Variants in XG observed in about 807,000 individuals in gnomAD.
The protein encoded by XG is Xg glycoprotein (Xg blood group), also known as glycoprotein Xg.
A neutral mutation model predicts 25.7 loss-of-function variants in XG; 24 were observed. That is an observed-to-expected ratio of 0.93 (90% CI 0.68 to 1.31). XG has a LOEUF of 1.31. XG is among the 40% of genes most tolerant of loss of function. The pLI is 0.00. For synonymous variants in XG, 77 were observed against 69.2 expected (o/e 1.11, Z -0.56); for missense variants, 181 against 187.6 (o/e 0.96, Z 0.21).
At chrX:2,805,076 T>TGCAAGCCGCCGCCATGG (rs2086982010) in intron 7 of XG, among the ~76,000 whole-genome samples, 1 of 112,168 alleles carries the variant, frequency 8.9e-6, no homozygotes, top group Non-Finnish European at 1.9e-5. Flanking sequence ...CCGGCTGGGA[T>TGCAAGCCGCCGCCATGG]GCAAGCCGCC....
chrX:2,769,196 C>T (rs1326156646), intron 1 of XG, among the ~76,000 whole-genome samples: 1 of 152,228 alleles, frequency 6.6e-6, no homozygotes, highest in African/African-American at 2.4e-5. Context: ...TATGTTGGAG[C>T]CCTTGAACCT....
At chrX:2,805,141 G>A (rs2086982926) in intron 7 of XG, among the ~76,000 whole-genome samples, 1 of 112,571 alleles carries the variant, frequency 8.9e-6, no homozygotes, top group South Asian at 3.7e-4. Flanking sequence ...GGCAGAGCGT[G>A]TTAGGCTTGT....
At chrX:2,809,534 G>A (rs949187762) in intron 9 of XG, among the ~76,000 whole-genome samples, 4 of 112,334 alleles carry the variant, frequency 3.6e-5, no homozygotes, top group Non-Finnish European at 7.5e-5. Context: ...TGATTTGTAA[G>A]AGATGAGAGA....
intron 3 of XG, among the ~76,000 whole-genome samples, chrX:2,776,163 A>C (rs146089952): frequency 0.062 from 9,480 of 151,986 alleles, 928 homozygotes; most frequent in African/African-American, 0.21. Flanking sequence ...AGAGTCCTTT[A>C]TAAGCCAGCG....
chrX:2,770,255 T>G (rs2050787500), intron 1 of XG, among the ~76,000 whole-genome samples: 1 of 151,518 alleles, frequency 6.6e-6, no homozygotes, highest in East Asian at 1.9e-4. Flanking sequence ...ATAAGAAATT[T>G]GCAGAACAGA....
chrX:2,787,774 G>A (rs745736986), intron 4 of XG, among the ~76,000 whole-genome samples: 4 of 110,820 alleles, frequency 3.6e-5, no homozygotes, highest in Admixed American at 9.7e-5. Flanking sequence ...GGGCATGGTG[G>A]TGTATACCTG....
chrX:2,799,968 T>C (rs949294122), intron 7 of XG, among the ~76,000 whole-genome samples: 11 of 112,059 alleles, frequency 9.8e-5, no homozygotes, highest in Non-Finnish European at 1.7e-4. Flanking sequence ...GCAAAGGACA[T>C]GATCTTGTTC....
intron 1 of XG, among the ~76,000 whole-genome samples, chrX:2,758,006 A>T (rs1047425043): frequency 1.3e-5 from 2 of 149,966 alleles, no homozygotes; most frequent in African/African-American, 4.9e-5. Context: ...AGGAAAAAAA[A>T]GTTATGATGA....
intron 1 of XG, among the ~76,000 whole-genome samples, chrX:2,766,801 G>A (rs311140): frequency 0.098 from 14,862 of 151,652 alleles, 745 homozygotes; most frequent in Non-Finnish European, 0.13. Context: ...TCCTGACCTC[G>A]TGATCCGCCT....
rs1215451210 is a variant in XG at position 2,768,970 on chromosome X, C to A, written c.62-1580C>A. Reference sequence around the variant, plus strand: ...ATTTGACCTGTGATGGCACCGCCAGCTCCCAGCCTCCAGTCTGGGCCCAGG... The same window carrying A: ...ATTTGACCTGTGATGGCACCGCCAGATCCCAGCCTCCAGTCTGGGCCCAGG... On this transcript the variant is annotated intron_variant, in intron 1 of 10. Coordinates refer to ENST00000644266, the MANE Select transcript of XG (RefSeq NM_001141919.2). Among the ~76,000 whole-genome samples the A allele has an allele frequency of 2.0e-5, 3 of 152,164 alleles. No individual in the cohort carries two copies. The East Asian group carries it at 5.8e-4, about 29-fold the overall frequency.
At chrX:2,774,860 C>T in intron 3 of XG, 121 bp downstream of exon 3, 1 of 1,299,962 alleles carries the variant, frequency 7.7e-7, no homozygotes, top group Non-Finnish European at 1.1e-6. Context: ...AACAACTGTA[C>T]CAGATAGCAG....
intron 1 of XG, among the ~76,000 whole-genome samples, chrX:2,756,689 C>T (rs190649785): frequency 8.0e-4 from 122 of 152,304 alleles, no homozygotes; most frequent in Admixed American, 1.4e-3. Flanking sequence ...AGATTTGAAA[C>T]CTGAGAGTTC....
intron 1 of XG, among the ~76,000 whole-genome samples, chrX:2,768,827 G>A (rs1486421101): frequency 6.6e-6 from 1 of 152,182 alleles, no homozygotes; most frequent in African/African-American, 2.4e-5. Flanking sequence ...GAGCTGGATG[G>A]AGCAAAGATT....
rs1245864935 is a variant in XG at position 2,766,617 on chromosome X, T to G, written c.62-3933T>G. On this transcript the variant is annotated intron_variant, in intron 1 of 10. Transcript: ENST00000644266. The stretch of plus-strand genomic sequence containing the variant: ...TCTTGCTCTGTCACCCAGGCTGGAG[T>G]GTACTGGTGTGAACTCGGCTCACTG... 1.7e-4 allele frequency among the ~76,000 whole-genome samples: 24 copies of G among 142,424 alleles called. No homozygotes were observed. In the East Asian group the frequency reaches 4.0e-3, roughly 24 times the overall value. 93.4% of individuals were successfully genotyped at this position (142,424 alleles called of 152,430 possible). A position where few individuals can be genotyped will look rare whatever the true frequency, so the allele number is the denominator to read the frequency against.
chrX:2,773,585 A>AAGGAAGGAGAGAGGGAAGGAAGGAGAGAG (rs2050891834), intron 2 of XG, among the ~76,000 whole-genome samples: 1 of 41,838 alleles, frequency 2.4e-5, no homozygotes, highest in African/African-American at 1.0e-4. Flanking sequence ...GAAGGAGAGA[A>AAGGAAGGAGAGAGGGAAGGAAGGAGAGAG]GGAAGGAAGG....
intron 7 of XG, among the ~76,000 whole-genome samples, chrX:2,797,946 A>G: frequency 8.9e-6 from 1 of 111,826 alleles, no homozygotes; most frequent in East Asian, 2.8e-4. Context: ...AGGCAGAGGT[A>G]GGAGGATCAC....
At chrX:2,790,117 G>A (rs1172441295) in intron 5 of XG, among the ~76,000 whole-genome samples, 1 of 111,575 alleles carries the variant, frequency 9.0e-6, no homozygotes, top group Non-Finnish European at 1.9e-5. Context: ...CCGGCCTCAA[G>A]CAATCCTCTG....
chrX:2,814,545 A>C lies in XG; in HGVS notation c.*165A>C. 51 of 549,629 alleles carry C rather than the reference A, an allele frequency of 9.3e-5. No individual in the cohort carries two copies. The highest frequency in any genetic ancestry group is 1.2e-4 in the Non-Finnish European group (45 of 364,470). The allele number at this position is 549,629 out of a possible 1,213,427, so 45.3% of individuals were successfully genotyped here. A position where few individuals can be genotyped will look rare whatever the true frequency, so the allele number is the denominator to read the frequency against. On this transcript the variant is annotated 3_prime_UTR_variant, in exon 11 of 11. Coordinates refer to ENST00000644266, the MANE Select transcript of XG (RefSeq NM_001141919.2). The stretch of plus-strand genomic sequence containing the variant: ...CTGCCTCACTAAGCATTCCCAACTC[A>C]TTGAATGTGATGTGGTTATAAAGAT...
chrX:2,775,906 A>T (rs1448286949), intron 3 of XG, among the ~76,000 whole-genome samples: 1 of 149,544 alleles, frequency 6.7e-6, no homozygotes, highest in Non-Finnish European at 1.5e-5. Flanking sequence ...CAGTGAGCCG[A>T]GATCATGCCA....
Sources: gnomAD v4.1 joint callset for allele counts (sites outside exome capture counted in the v4.1 genomes callset) on GRCh38, gnomAD v4.1.1 for gene constraint, MANE v1.5 for transcripts, NCBI Gene and HGNC (gene_info 2026-07-23, HGNC 2026-07-21) for gene names.